Variants in TMEM131 observed in about 807,000 individuals in gnomAD.
TMEM131 encodes the protein 2610524E03Rik.
TMEM131 carries 66 observed loss-of-function variants against 211.6 expected under a neutral mutation model. The ratio of observed to expected loss-of-function variants is 0.31; its 90% CI spans 0.26 to 0.38. The LOEUF is 0.38. TMEM131 is among the 10% of genes least tolerant of loss of function. The pLI, the probability that TMEM131 is intolerant of heterozygous loss-of-function variation, is 1.00. For synonymous variants in TMEM131, 844 were observed against 841.3 expected, an observed-to-expected ratio of 1.00 and a Z score of -0.06; for missense variants, 2,036 against 2,299.3, an observed-to-expected ratio of 0.89 and a Z score of 2.34.
At chr2:97,834,128 C>T (rs1410410648) in intron 10 of TMEM131, among the ~76,000 whole-genome samples, 1 of 152,082 alleles carries the variant, frequency 6.6e-6, no homozygotes, top group Non-Finnish European at 1.5e-5. Flanking sequence ...TATATATAGT[C>T]CATATACATC....
At chr2:97,778,452 G>A (rs1242663759) in intron 31 of TMEM131, among the ~76,000 whole-genome samples, 2 of 152,100 alleles carry the variant, frequency 1.3e-5, no homozygotes, top group Non-Finnish European at 2.9e-5. Flanking sequence ...TTGGGAGGCT[G>A]AGGCAGGAGA....
intron 1 of TMEM131, among the ~76,000 whole-genome samples, chr2:97,986,332 G>A (rs931633862): frequency 6.6e-6 from 1 of 152,096 alleles, no homozygotes; most frequent in Admixed American, 6.5e-5. Context: ...ATGGGGAATA[G>A]GGGCAGGAAA....
chr2:97,792,241 T>G, intron 31 of TMEM131, 145 bp downstream of exon 31: 2 of 605,690 alleles, frequency 3.3e-6, no homozygotes, highest in South Asian at 3.0e-5. Context: ...TATGGAAAAG[T>G]TGAAGTCCAA....
rs781196054 is a variant in TMEM131 at position 97,757,240 on chromosome 2, G to A, written c.5511C>T (p.Ser1837=). 5 of 1,613,894 alleles carry A rather than the reference G, an allele frequency of 3.1e-6. No homozygotes were observed. In the Admixed American group the frequency reaches 5.0e-5, roughly 16 times the overall value. ...ASIGLMGTEN[S]PAPHAPSTSS... ...AGGTGGAGGGAGCGTGAGGAGCAGG[G>A]GAGTTTTCTGTGCCCATGAGGCCGA... Residue 1837 remains serine (S), a synonymous_variant, in exon 41 of 41, where the codon TCC becomes TCT. Coordinates refer to ENST00000186436, the MANE Select transcript of TMEM131 (RefSeq NM_015348.2).
At chr2:97,976,822 G>C (rs538884471) in intron 1 of TMEM131, among the ~76,000 whole-genome samples, 1 of 152,204 alleles carries the variant, frequency 6.6e-6, no homozygotes, top group South Asian at 2.1e-4. Flanking sequence ...ACAAAAGAGA[G>C]ACAGACAACC....
chr2:97,994,254 G>A (rs961661570), intron 1 of TMEM131, among the ~76,000 whole-genome samples: 9 of 152,088 alleles, frequency 5.9e-5, no homozygotes, highest in African/African-American at 2.2e-4. Context: ...GTCCTAAAGC[G>A]GCAATATTTT....
chr2:97,807,561 AGTCTCCAGAACTGT>A (rs1446424697), intron 19 of TMEM131, among the ~76,000 whole-genome samples: 4 of 152,236 alleles, frequency 2.6e-5, no homozygotes, highest in Non-Finnish European at 5.9e-5. Context: ...CTTCCTGCAC[AGTCTCCAGAACTGT>A]GAACCAAATA....
In TMEM131 at chr2:97,790,381, T is replaced by C. The variant is rs568845871; in HGVS notation, c.4144+2005A>G. The stretch of plus-strand genomic sequence containing the variant: ...CAGCATCAGTGGGAAGGATAGTGAG[T>C]AGAGTAGCCGCGCCTGCAAAGCTTC... On this transcript the variant is annotated intron_variant, in intron 31 of 40. Coordinates refer to ENST00000186436, the MANE Select transcript of TMEM131 (RefSeq NM_015348.2). Among the ~76,000 whole-genome samples the C allele has an allele frequency of 3.3e-5, 5 of 152,254 alleles. No individual in the cohort carries two copies. The East Asian group carries it at 9.6e-4, about 29-fold the overall frequency.
chr2:97,884,490 G>A (rs1675061214), intron 4 of TMEM131, among the ~76,000 whole-genome samples: 1 of 152,132 alleles, frequency 6.6e-6, no homozygotes, highest in Admixed American at 6.5e-5. Context: ...TTTCTGTCTA[G>A]ATGACCTGTC....
chr2:97,995,895 C>CCG lies in TMEM131; in HGVS notation c.-235_-234dup, dbSNP rs1248424144. On this transcript the variant is annotated 5_prime_UTR_variant, in exon 1 of 41. Coordinates refer to ENST00000186436, the MANE Select transcript of TMEM131 (RefSeq NM_015348.2). ...CCTACAAGCAGTCGGAGCGGAGAGG[C>CCG]CGCGGGTCAGGCGCGGCGGGCGGCC... 9 of 230,216 alleles carry CCG rather than the reference C, an allele frequency of 3.9e-5. No individual in the cohort carries two copies. Among genetic ancestry groups the CCG allele is most frequent in the Admixed American group, 2.9e-4 (5 of 17,412 alleles). 14.3% of individuals were successfully genotyped at this position (230,216 alleles called of 1,614,324 possible).
chr2:97,876,285 G>A (rs543976179), intron 4 of TMEM131, among the ~76,000 whole-genome samples: 1 of 152,254 alleles, frequency 6.6e-6, no homozygotes, highest in East Asian at 1.9e-4. Context: ...GTACAAAGAG[G>A]AGCTGGTACC....
chr2:97,823,975 A>C (rs924203267), intron 11 of TMEM131, among the ~76,000 whole-genome samples: 2 of 152,188 alleles, frequency 1.3e-5, no homozygotes, highest in African/African-American at 4.8e-5. Flanking sequence ...ATAGGGACCA[A>C]GAGGAACAGG....
chr2:97,840,159 T>C (rs2105092015), intron 7 of TMEM131, among the ~76,000 whole-genome samples: 1 of 152,370 alleles, frequency 6.6e-6, no homozygotes, highest in South Asian at 2.1e-4. Flanking sequence ...ATTTGCTCTC[T>C]TGTGTAAATC....
At position 97,809,097 on chromosome 2, in the gene TMEM131, A is replaced by C. The variant is rs76374139; in HGVS notation, c.2055+591T>G. 3.4e-3 allele frequency among the ~76,000 whole-genome samples: 523 copies of C among 152,340 alleles called. 6 individuals carry two copies. The East Asian group carries it at 0.042, about 12-fold the overall frequency. The stretch of plus-strand genomic sequence containing the variant: ...CCTCTATTTCTTTCTGCAGAGAGCC[A>C]GTCTTTAAAGCTCAGCTCTGATGAT... On this transcript the variant is annotated intron_variant, in intron 19 of 40. Transcript: ENST00000186436.
At chr2:97,777,890 C>T (rs566596048) in intron 31 of TMEM131, among the ~76,000 whole-genome samples, 99 of 152,276 alleles carry the variant, frequency 6.5e-4, no homozygotes, top group Admixed American at 7.8e-4. Flanking sequence ...TGACCTACAT[C>T]GAAGAGCCAG....
At chr2:97,772,540 A>G (rs1679516450) in intron 32 of TMEM131, 116 bp from the exon 33 acceptor site, 1 of 1,183,990 alleles carries the variant, frequency 8.4e-7, no homozygotes, top group Non-Finnish European at 1.2e-6. Flanking sequence ...TCATATACGT[A>G]AAAACAAACT....
intron 7 of TMEM131, among the ~76,000 whole-genome samples, chr2:97,838,811 G>A (rs1683058965): frequency 6.6e-6 from 1 of 152,014 alleles, no homozygotes; most frequent in South Asian, 2.1e-4. Flanking sequence ...TAAAAGTAAT[G>A]CATTTACCAA....
intron 1 of TMEM131, among the ~76,000 whole-genome samples, chr2:97,988,039 A>G (rs1455157509): frequency 6.6e-6 from 1 of 152,224 alleles, no homozygotes; most frequent in Non-Finnish European, 1.5e-5. Context: ...GAGGTCTCAC[A>G]TTTCCTTATT....
intron 11 of TMEM131, among the ~76,000 whole-genome samples, chr2:97,831,235 T>A (rs1380723077): frequency 6.6e-6 from 1 of 152,224 alleles, no homozygotes; most frequent in African/African-American, 2.4e-5. Context: ...AATCAGATGA[T>A]GTCACTCTCG....
Sources: allele counts gnomAD v4.1 joint callset (sites outside exome capture counted in the v4.1 genomes callset), GRCh38; gene constraint gnomAD v4.1.1; transcripts MANE v1.5; gene names NCBI Gene and HGNC (gene_info 2026-07-23, HGNC 2026-07-21).